Variants in APPL2 observed in about 807,000 individuals in gnomAD.
APPL2 encodes the protein adaptor protein, phosphotyrosine interacting with PH domain and leucine zipper 2, also known as DCC-interacting protein 13-beta.
A neutral mutation model predicts 92.7 loss-of-function variants in APPL2; 84 were observed. The ratio of observed to expected loss-of-function variants is 0.91; its 90% CI spans 0.76 to 1.09. The LOEUF is 1.09. Among genes scored for constraint, APPL2 ranks in the 50% least tolerant of loss-of-function variants. The probability of loss-of-function intolerance (pLI) is 0.00; values close to 1 mark genes in which losing one functional copy is unlikely to be tolerated. For missense variants in APPL2, 736 were observed against 824.5 expected, an observed-to-expected ratio of 0.89 and a Z score of 1.31; for synonymous variants, 291 against 291.0, an observed-to-expected ratio of 1.00 and a Z score of 0.00.
chr12:105,195,745 A>G (rs1887584047), intron 11 of APPL2, 118 bp from the exon 12 acceptor site: 2 of 1,131,806 alleles, frequency 1.8e-6, no homozygotes, highest in African/African-American at 3.1e-5. Flanking sequence ...AGGCAGCATG[A>G]TGAGAGGGAA....
chr12:105,189,865 G>T (rs1887047164), intron 15 of APPL2, 41 bp from the exon 16 acceptor site: 1 of 1,612,790 alleles, frequency 6.2e-7, no homozygotes, highest in South Asian at 1.1e-5. Flanking sequence ...GACAGCTGCA[G>T]CTAGAAGGGC....
At chr12:105,229,547 A>G in intron 1 of APPL2, 18 of 1,020,650 alleles carry the variant, frequency 1.8e-5, no homozygotes, top group Non-Finnish European at 2.1e-5. Context: ...AGTAAAGTCT[A>G]TCCAATAAAA....
intron 17 of APPL2, among the ~76,000 whole-genome samples, chr12:105,183,968 T>G (rs905277018): frequency 1.3e-5 from 2 of 152,218 alleles, no homozygotes; most frequent in African/African-American, 4.8e-5. Flanking sequence ...TTTCATTCTT[T>G]TTTCTCTAAT....
chr12:105,212,118 C>CAAAA lies in APPL2; in HGVS notation c.286-805_286-802dup, dbSNP rs5800657. ...TGGGTGACAGAGCGAGACTCCATCT[C>CAAAA]AAAAAAAAAAAAAAAAAAAAAGAAT... On this transcript the variant is annotated intron_variant, in intron 4 of 20. Transcript: ENST00000258530. Among the ~76,000 whole-genome samples the CAAAA allele has an allele frequency of 5.3e-3, 384 of 71,826 alleles. 14 individuals carry two copies. The highest frequency in any genetic ancestry group is 0.024 in the South Asian group (33 of 1,366). The allele number at this position is 71,826 out of a possible 152,430, so 47.1% of individuals were successfully genotyped here.
intron 16 of APPL2, 90 bp from the exon 17 acceptor site, chr12:105,188,537 CT>C (rs1886932953): frequency 1.7e-5 from 24 of 1,430,748 alleles, no homozygotes; most frequent in Admixed American, 4.2e-5. Context: ...GTTTTGCCTG[CT>C]TTCTGTGGAG....
At position 105,174,451 on chromosome 12, in the gene APPL2, G is replaced by T. The variant is rs760180569; in HGVS notation, c.1861-3C>A. ...AATTGAGCCAGTGCTTCTGGATCCT[G>T]AAGTTAGGAGAGTTTAAAAGGGAAA... On this transcript the variant is annotated splice_polypyrimidine_tract_variant and splice_region_variant and intron_variant, in intron 20 of 20. Transcript: ENST00000258530. 1 of 1,610,488 alleles carries T rather than the reference G, an allele frequency of 6.2e-7. No homozygotes were observed.
chr12:105,193,409 TACTC>T (rs1300887662), intron 14 of APPL2, among the ~76,000 whole-genome samples: 1 of 152,190 alleles, frequency 6.6e-6, no homozygotes, highest in Non-Finnish European at 1.5e-5. Context: ...TTTACTGACT[TACTC>T]AGGGACATCT....
intron 17 of APPL2, among the ~76,000 whole-genome samples, chr12:105,184,978 C>CA (rs1886466542): frequency 6.6e-6 from 1 of 152,188 alleles, no homozygotes; most frequent in African/African-American, 2.4e-5. Context: ...TCTAGAGAGG[C>CA]AGTCTGGCTA....
intron 17 of APPL2, among the ~76,000 whole-genome samples, chr12:105,186,101 T>C (rs1194716089): frequency 6.6e-6 from 1 of 152,210 alleles, no homozygotes; most frequent in Admixed American, 6.5e-5. Flanking sequence ...GTAGCACTTA[T>C]CAGTCCTTTG....
chr12:105,215,806 C>T (rs926701420), intron 4 of APPL2, among the ~76,000 whole-genome samples: 2 of 151,788 alleles, frequency 1.3e-5, no homozygotes, highest in Non-Finnish European at 2.9e-5. Context: ...TTTGGGATGC[C>T]GAGGTGGGCG....
At chr12:105,226,428 C>T (rs1226750642) in intron 2 of APPL2, among the ~76,000 whole-genome samples, 3 of 152,152 alleles carry the variant, frequency 2.0e-5, no homozygotes, top group Non-Finnish European at 4.4e-5. Context: ...TGATCATATG[C>T]TGCGCATTAA....
Position 105,174,290 on chromosome 12 carries a change from T to C in APPL2, c.*24A>G, listed in dbSNP as rs1478506831. 1 of 1,612,082 alleles carries C rather than the reference T, an allele frequency of 6.2e-7. No individual in the cohort carries two copies. Among genetic ancestry groups the C allele is most frequent in the Non-Finnish European group, 8.5e-7 (1 of 1,179,034 alleles). ...GGAGGTAGCTCTCCTTCCTGTTTGC[T>C]CTTCCCCCACAGGCGCAAGTGAGTT... On this transcript the variant is annotated 3_prime_UTR_variant, in exon 21 of 21. Coordinates refer to ENST00000258530, the MANE Select transcript of APPL2 (RefSeq NM_018171.5).
At chr12:105,210,846 A>G (rs73397621) in intron 5 of APPL2, among the ~76,000 whole-genome samples, 3,766 of 152,216 alleles carry the variant, frequency 0.025, 132 homozygotes, top group African/African-American at 0.072. Context: ...CAAGAACAGC[A>G]TGACTTTACA....
intron 1 of APPL2, among the ~76,000 whole-genome samples, chr12:105,234,225 TTA>T (rs1891102653): frequency 6.6e-6 from 1 of 152,224 alleles, no homozygotes; most frequent in Admixed American, 6.5e-5. Flanking sequence ...AAGTTCAAAG[TTA>T]TACACCATGT....
chr12:105,181,247 C>G (rs998898382), intron 17 of APPL2, among the ~76,000 whole-genome samples: 3 of 152,128 alleles, frequency 2.0e-5, no homozygotes, highest in East Asian at 1.9e-4. Context: ...GTTCTGTTTA[C>G]GTGATGGATT....
chr12:105,205,549 T>C (rs1888627457), intron 8 of APPL2, among the ~76,000 whole-genome samples: 1 of 152,216 alleles, frequency 6.6e-6, no homozygotes, highest in Non-Finnish European at 1.5e-5. Flanking sequence ...GGTGTCAAGC[T>C]TGTCCTGTAG....
At chr12:105,214,849 C>T (rs1195221227) in intron 4 of APPL2, among the ~76,000 whole-genome samples, 3 of 152,140 alleles carry the variant, frequency 2.0e-5, no homozygotes, top group Non-Finnish European at 4.4e-5. Flanking sequence ...CTTCCAGGAA[C>T]GGGAGAGAGC....
intron 1 of APPL2, chr12:105,233,133 G>A: frequency 2.0e-6 from 2 of 985,472 alleles, no homozygotes; most frequent in Non-Finnish European, 2.4e-6. Flanking sequence ...AGCTGCAGGA[G>A]CTCAAAGCTG....
rs1386028842 is a variant in APPL2 at position 105,177,835 on chromosome 12, G to C, written c.1635-573C>G. Among the ~76,000 whole-genome samples, 4 of 152,220 alleles carry C rather than the reference G, an allele frequency of 2.6e-5. No homozygotes were observed. The East Asian group carries it at 7.7e-4, about 29-fold the overall frequency. ...CTGAGAAGAGTCTTGCTGTCACACA[G>C]GCTGGAGTGCAGCAGCCCAGTCTTG... On this transcript the variant is annotated intron_variant, in intron 17 of 20. Transcript: ENST00000258530.
Sources: allele counts gnomAD v4.1 joint callset (sites outside exome capture counted in the v4.1 genomes callset), GRCh38; gene constraint gnomAD v4.1.1; transcripts MANE v1.5; gene names NCBI Gene and HGNC (gene_info 2026-07-23, HGNC 2026-07-21).